The following EOGT variants were observed in gnomAD, a reference collection of about 807,000 sequenced individuals.
EOGT encodes the protein EGF domain specific O-linked N-acetylglucosamine transferase.
In EOGT, 55 loss-of-function variants were observed where a neutral mutation model predicts 70.5. That is an observed-to-expected ratio of 0.78 (90% CI 0.63 to 0.98). The LOEUF (loss-of-function observed/expected upper bound fraction) is 0.98, where lower values mean the gene tolerates loss of function less well. Among genes scored for constraint, EOGT ranks in the 50% least tolerant of loss-of-function variants. The probability of loss-of-function intolerance (pLI) is 0.00; values close to 1 mark genes in which losing one functional copy is unlikely to be tolerated. For missense variants in EOGT, 703 were observed against 641.9 expected, an observed-to-expected ratio of 1.10 and a Z score of -1.03; for synonymous variants, 246 against 217.1, an observed-to-expected ratio of 1.13 and a Z score of -1.17.
At chr3:68,980,737 G>C (rs1040567942) in intron 15 of EOGT, among the ~76,000 whole-genome samples, 8 of 152,202 alleles carry the variant, frequency 5.3e-5, no homozygotes, top group Non-Finnish European at 7.3e-5. Flanking sequence ...GTTTCTCCAG[G>C]AATGTGAACT....
At chr3:68,995,189 C>A (rs2091110610) in intron 10 of EOGT, among the ~76,000 whole-genome samples, 1 of 152,182 alleles carries the variant, frequency 6.6e-6, no homozygotes, top group Non-Finnish European at 1.5e-5. Context: ...GGATTCATGT[C>A]ATAGTCAGCC....
At chr3:68,989,065 C>T (rs2090901831) in intron 10 of EOGT, 48 bp from the exon 11 acceptor site, 2 of 1,123,462 alleles carry the variant, frequency 1.8e-6, no homozygotes, top group Non-Finnish European at 2.5e-6. Flanking sequence ...AAGGATATAA[C>T]ATGACTTTTC....
chr3:68,989,082 G>A (rs2090902315), intron 10 of EOGT, 65 bp from the exon 11 acceptor site: 2 of 879,272 alleles, frequency 2.3e-6, no homozygotes, highest in African/African-American at 3.5e-5. Context: ...TTTCAAAGAT[G>A]CAACAAAATA....
intron 9 of EOGT, among the ~76,000 whole-genome samples, chr3:69,001,374 G>A (rs1212438242): frequency 6.6e-6 from 1 of 152,124 alleles, no homozygotes; most frequent in Non-Finnish European, 1.5e-5. Flanking sequence ...CTCGTCCTTT[G>A]ATTTTGGTTA....
chr3:68,996,415 G>C (rs1167723456), intron 10 of EOGT, among the ~76,000 whole-genome samples: 1 of 152,218 alleles, frequency 6.6e-6, no homozygotes, highest in Admixed American at 6.5e-5. Flanking sequence ...GACAGCTTGT[G>C]TCAACAAGCC....
chr3:69,001,499 ACT>A (rs1309354404), intron 9 of EOGT, 107 bp downstream of exon 9: 3 of 650,474 alleles, frequency 4.6e-6, no homozygotes, highest in Non-Finnish European at 7.7e-6. Context: ...AAACAAATCT[ACT>A]GTTTGTCATA....
At chr3:68,981,397 T>C (rs1018045402) in intron 15 of EOGT, among the ~76,000 whole-genome samples, 23 of 152,208 alleles carry the variant, frequency 1.5e-4, no homozygotes, top group Admixed American at 6.5e-5. Flanking sequence ...TTCTCTGAAA[T>C]TAAGTGTATC....
At chr3:68,999,862 A>G (rs967930992) in intron 9 of EOGT, among the ~76,000 whole-genome samples, 3 of 152,180 alleles carry the variant, frequency 2.0e-5, no homozygotes, top group Non-Finnish European at 4.4e-5. Flanking sequence ...CATCCTTGAG[A>G]AATGTGCCCC....
At chr3:69,010,484 G>A (rs551887930) in intron 3 of EOGT, among the ~76,000 whole-genome samples, 1 of 152,300 alleles carries the variant, frequency 6.6e-6, no homozygotes, top group African/African-American at 2.4e-5. Context: ...GATTTGAATC[G>A]CAAATCTGCA....
intron 9 of EOGT, among the ~76,000 whole-genome samples, chr3:69,000,925 C>T (rs945545083): frequency 6.6e-6 from 1 of 151,320 alleles, no homozygotes; most frequent in African/African-American, 2.4e-5. Flanking sequence ...ATGGACACTT[C>T]TTTCCCACCC....
chr3:68,979,068 T>C (rs1008180992), intron 16 of EOGT, among the ~76,000 whole-genome samples: 1 of 152,194 alleles, frequency 6.6e-6, no homozygotes, highest in Non-Finnish European at 1.5e-5. Flanking sequence ...AGAACCCAGA[T>C]ATTTAGACAT....
chr3:68,995,518 C>G (rs1254604724), intron 10 of EOGT, among the ~76,000 whole-genome samples: 1 of 152,138 alleles, frequency 6.6e-6, no homozygotes, highest in Non-Finnish European at 1.5e-5. Flanking sequence ...GCTCAGCTGA[C>G]TGAGTAACCT....
intron 15 of EOGT, 82 bp downstream of exon 15, chr3:68,982,729 C>A: frequency 1.0e-6 from 1 of 959,518 alleles, no homozygotes; most frequent in Non-Finnish European, 1.6e-6. Context: ...CCAATGGCTC[C>A]CACTGGAAAA....
intron 15 of EOGT, 101 bp from the exon 16 acceptor site, chr3:68,979,888 T>G: frequency 1.7e-6 from 2 of 1,185,486 alleles, no homozygotes; most frequent in Non-Finnish European, 2.3e-6. Context: ...AAAAGTGTAT[T>G]GCCCATTTTA....
Position 68,977,415 on chromosome 3 carries a change from T to C in EOGT, c.*203A>G, listed in dbSNP as rs1371722526. On this transcript the variant is annotated 3_prime_UTR_variant, in exon 18 of 18. Coordinates refer to ENST00000383701, the MANE Select transcript of EOGT (RefSeq NM_001278689.2). ...ATAAAAAGTTTTCAGTGCAAAATTA[T>C]TGCTATTGATAAATAGCAATGACAC... 1.9e-6 allele frequency: 1 copy of C among 514,288 alleles called. No individual in the cohort carries two copies. Among genetic ancestry groups the C allele is most frequent in the Non-Finnish European group, 3.3e-6 (1 of 301,680 alleles). 31.9% of individuals were successfully genotyped at this position (514,288 alleles called of 1,614,324 possible).
intron 14 of EOGT, among the ~76,000 whole-genome samples, chr3:68,986,323 G>A (rs1223597162): frequency 2.0e-5 from 3 of 152,282 alleles, no homozygotes; most frequent in East Asian, 1.9e-4. Flanking sequence ...GGATTTGGAT[G>A]TGGACATCCT....
chr3:69,005,235 C>G lies in EOGT; in HGVS notation c.421-1G>C, dbSNP rs2091409563. On this transcript the variant is annotated splice_acceptor_variant, in intron 6 of 17. Coordinates refer to ENST00000383701, the MANE Select transcript of EOGT (RefSeq NM_001278689.2). LOFTEE classifies it high-confidence loss of function. Reference sequence around the variant, plus strand: ...GGGAACACACCAGACTTGAGTCACTCTGAAGGTTGAGCAAAAGAAAAGAAT... The same window carrying G: ...GGGAACACACCAGACTTGAGTCACTGTGAAGGTTGAGCAAAAGAAAAGAAT... 1.3e-6 allele frequency: 2 copies of G among 1,563,320 alleles called. No homozygotes were observed. Among genetic ancestry groups the G allele is most frequent in the Non-Finnish European group, 1.8e-6 (2 of 1,139,012 alleles).
intron 10 of EOGT, among the ~76,000 whole-genome samples, chr3:68,990,348 C>CT (rs56046605): frequency 0.14 from 14,931 of 107,734 alleles, 1,499 homozygotes; most frequent in East Asian, 0.24. Flanking sequence ...TTACCACATG[C>CT]TTTTTTTTTT....
Position 69,009,910 on chromosome 3 carries a change from CA to C in EOGT, c.-14-51del. The C allele has an allele frequency of 5.0e-6, 4 of 807,136 alleles. No homozygotes were observed. In the South Asian group the frequency reaches 8.5e-5, roughly 17 times the overall value. The allele number at this position is 807,136 out of a possible 1,614,324, so 50.0% of individuals were successfully genotyped here. A position where few individuals can be genotyped will look rare whatever the true frequency, so the allele number is the denominator to read the frequency against. On this transcript the variant is annotated intron_variant, in intron 3 of 17. Transcript: ENST00000383701. ...TTGTTAACAAATTTCCTTTAAAAGCCAAAACAACAACAACAACAACAACAAA... is the reference window on the plus strand; with the variant it reads ...TTGTTAACAAATTTCCTTTAAAAGCCAAACAACAACAACAACAACAACAAA...
Sources: allele counts gnomAD v4.1 joint callset (sites outside exome capture counted in the v4.1 genomes callset), GRCh38; gene constraint gnomAD v4.1.1; transcripts MANE v1.5; gene names NCBI Gene and HGNC (gene_info 2026-07-23, HGNC 2026-07-21).